GALNT17: variants seen among roughly 807,000 people sequenced by gnomAD.
GALNT17 encodes the protein UDP-GalNAc:polypeptide N-acetylgalactosaminyltransferase-like 3.
In GALNT17, 29 loss-of-function variants were observed where a neutral mutation model predicts 63.7. The observed-to-expected ratio is 0.46, with a 90% CI of 0.34 to 0.62. The LOEUF is 0.62. GALNT17 is among the 20% of genes least tolerant of loss of function. The pLI is 0.01. For missense variants in GALNT17, 603 were observed against 799.6 expected, an observed-to-expected ratio of 0.75 and a Z score of 2.97; for synonymous variants, 305 against 318.3, an observed-to-expected ratio of 0.96 and a Z score of 0.45.
chr7:71,263,617 G>A (rs1221673233), intron 1 of GALNT17, among the ~76,000 whole-genome samples: 1 of 152,096 alleles, frequency 6.6e-6, no homozygotes, highest in African/African-American at 2.4e-5. Flanking sequence ...AACACCTGGA[G>A]GTCTTGTTAA....
chr7:71,622,644 C>G (rs1790313880), intron 6 of GALNT17, among the ~76,000 whole-genome samples: 1 of 152,146 alleles, frequency 6.6e-6, no homozygotes, highest in Non-Finnish European at 1.5e-5. Context: ...GTTGACCTGA[C>G]TCTTTCTGGA....
intron 1 of GALNT17, among the ~76,000 whole-genome samples, chr7:71,308,766 CAG>C (rs1478473795): frequency 3.6e-5 from 5 of 137,590 alleles, no homozygotes; most frequent in Non-Finnish European, 7.7e-5. Context: ...TTTTTTGAAA[CAG>C]AGTCAAGCTC....
Position 71,601,562 on chromosome 7 carries a change from A to G in GALNT17, c.1080+30160A>G, listed in dbSNP as rs150648158. Among the ~76,000 whole-genome samples the G allele has an allele frequency of 2.5e-3, 388 of 152,256 alleles. 3 individuals carry two copies. The highest frequency in any genetic ancestry group is 4.4e-3 in the Admixed American group (67 of 15,288). ...CTTGGGAAGCTGAGGTGGAAAGATC[A>G]TTTGAGGACAGGAGCTTGAGACCAG... On this transcript the variant is annotated intron_variant, in intron 6 of 10. Transcript: ENST00000333538.
chr7:71,268,746 A>G (rs1790535251), intron 1 of GALNT17, among the ~76,000 whole-genome samples: 1 of 151,986 alleles, frequency 6.6e-6, no homozygotes, highest in African/African-American at 2.4e-5. Flanking sequence ...AATAGGGAAG[A>G]AATTGATGTG....
Position 71,710,912 on chromosome 7 carries a change from G to A in GALNT17, c.1652G>A (p.Arg551His), listed in dbSNP as rs370276097. The part of the protein sequence containing the change: ...CDKVKSSLYK[R>H]WNFIQNGAIM... Reference sequence around the variant, plus strand: ...AAGGTCAAGAGCAGCCTGTACAAGCGCTGGAACTTCATCCAGGTGAGTGCT... The same window carrying A: ...AAGGTCAAGAGCAGCCTGTACAAGCACTGGAACTTCATCCAGGTGAGTGCT... Residue 551 changes from arginine (R) to histidine (H), a missense_variant, in exon 10 of 11, where the codon CGC (arginine) becomes CAC (histidine). This residue lies in a region of GALNT17 where 72 missense variants were observed against 76.9 expected (regional missense o/e 0.94). Coordinates refer to ENST00000333538, the MANE Select transcript of GALNT17 (RefSeq NM_022479.3). The A allele has an allele frequency of 4.8e-5, 77 of 1,613,650 alleles. No individual in the cohort carries two copies. The highest frequency in any genetic ancestry group is 6.1e-5 in the Non-Finnish European group (72 of 1,180,040).
At chr7:71,228,921 G>T (rs187680310) in intron 1 of GALNT17, among the ~76,000 whole-genome samples, 1 of 151,616 alleles carries the variant, frequency 6.6e-6, no homozygotes, top group African/African-American at 2.4e-5. Context: ...TTCCCTCCTC[G>T]GCAAAGTACT....
At chr7:71,660,979 C>G (rs1390769279) in intron 6 of GALNT17, among the ~76,000 whole-genome samples, 1 of 152,210 alleles carries the variant, frequency 6.6e-6, no homozygotes, top group Non-Finnish European at 1.5e-5. Context: ...CCACTTGGAT[C>G]CGTGCAGCAG....
intron 9 of GALNT17, among the ~76,000 whole-genome samples, chr7:71,698,552 A>C (rs1165412315): frequency 2.0e-5 from 3 of 152,124 alleles, no homozygotes; most frequent in Non-Finnish European, 4.4e-5. Flanking sequence ...CAAAGTTGTC[A>C]CTGGTTAAAT....
rs547381081 is a variant in GALNT17 at position 71,204,661 on chromosome 7, G to A, written c.238+71621G>A. 2.6e-5 allele frequency among the ~76,000 whole-genome samples: 4 copies of A among 151,854 alleles called. No individual in the cohort carries two copies. The South Asian group carries it at 8.3e-4, about 32-fold the overall frequency. On this transcript the variant is annotated intron_variant, in intron 1 of 10. Transcript: ENST00000333538. ...GCTCACTGCAACCTCCGCCTCCTGG[G>A]TTCAAGTGATTCTCCTGCCTCAGCC...
chr7:71,705,638 A>T (rs1354458895), intron 9 of GALNT17, among the ~76,000 whole-genome samples: 3 of 152,210 alleles, frequency 2.0e-5, no homozygotes, highest in Admixed American at 6.5e-5. Flanking sequence ...TCAGCTTGAA[A>T]ATGAATAAAC....
At chr7:71,362,948 CT>C (rs1212190395) in intron 2 of GALNT17, among the ~76,000 whole-genome samples, 1 of 151,988 alleles carries the variant, frequency 6.6e-6, no homozygotes, top group Admixed American at 6.6e-5. Flanking sequence ...TCCACACCTT[CT>C]TCCATTTCTT....
chr7:71,418,776 A>G (rs1786598636), intron 4 of GALNT17, among the ~76,000 whole-genome samples: 1 of 152,178 alleles, frequency 6.6e-6, no homozygotes, highest in Non-Finnish European at 1.5e-5. Flanking sequence ...TACATTGTCT[A>G]GTAGACAGTA....
At chr7:71,495,628 G>A (rs1788081890) in intron 5 of GALNT17, among the ~76,000 whole-genome samples, 2 of 152,134 alleles carry the variant, frequency 1.3e-5, no homozygotes, top group African/African-American at 4.8e-5. Flanking sequence ...GGCCCCTAAT[G>A]ACTGATCTCC....
At chr7:71,434,434 T>C (rs1468081321) in intron 5 of GALNT17, among the ~76,000 whole-genome samples, 2 of 152,162 alleles carry the variant, frequency 1.3e-5, no homozygotes, top group Non-Finnish European at 2.9e-5. Flanking sequence ...AAGGTCAGGT[T>C]GAAGACTGGT....
intron 7 of GALNT17, among the ~76,000 whole-genome samples, 181 bp from the exon 8 acceptor site, chr7:71,669,791 G>A (rs547758227): frequency 6.6e-6 from 1 of 152,042 alleles, no homozygotes; most frequent in South Asian, 2.1e-4. Context: ...TCAAACTCCT[G>A]ACCTCGTGAT....
At chr7:71,133,755 G>C (rs1449253679) in intron 1 of GALNT17, among the ~76,000 whole-genome samples, 3 of 152,126 alleles carry the variant, frequency 2.0e-5, no homozygotes, top group South Asian at 2.1e-4. Flanking sequence ...AGTACTTCAG[G>C]AGAAGAGGGA....
intron 6 of GALNT17, among the ~76,000 whole-genome samples, chr7:71,620,325 C>T (rs971841939): frequency 3.3e-5 from 5 of 152,126 alleles, no homozygotes; most frequent in Admixed American, 3.3e-4. Context: ...GGAGGAGCCC[C>T]TCTTCCTTGA....
At chr7:71,608,854 C>T (rs1032016041) in intron 6 of GALNT17, among the ~76,000 whole-genome samples, 2 of 152,130 alleles carry the variant, frequency 1.3e-5, no homozygotes, top group African/African-American at 4.8e-5. Context: ...TCATAGCTCA[C>T]TGCAGCCATG....
At chr7:71,574,938 A>G (rs993712420) in intron 6 of GALNT17, among the ~76,000 whole-genome samples, 19 of 152,100 alleles carry the variant, frequency 1.2e-4, no homozygotes, top group Admixed American at 2.6e-4. Context: ...GTGCCCTTCC[A>G]TGGCCACACT....
Sources: allele counts gnomAD v4.1 joint callset (sites outside exome capture counted in the v4.1 genomes callset), GRCh38; gene constraint gnomAD v4.1.1; regional missense constraint gnomAD v4.1.1; transcripts MANE v1.5; gene names NCBI Gene and HGNC (gene_info 2026-07-23, HGNC 2026-07-21).